AFG1L: variants seen among roughly 807,000 people sequenced by gnomAD.
AFG1L encodes AFG1 like ATPase.
In AFG1L, 53 loss-of-function variants were observed where a neutral mutation model predicts 62.2. The observed-to-expected ratio is 0.85, with a 90% confidence interval of 0.68 to 1.07. The LOEUF (loss-of-function observed/expected upper bound fraction) is 1.07. Ranked by LOEUF, AFG1L falls within the 50% of genes least tolerant of loss-of-function variation. The pLI, the probability that AFG1L is intolerant of heterozygous loss-of-function variation, is 0.00. For missense variants in AFG1L, 555 were observed against 590.5 expected (o/e 0.94, Z 0.62); for synonymous variants, 228 against 210.3 (o/e 1.08, Z -0.73).
At chr6:108,321,217 T>C (rs1398414531) in intron 1 of AFG1L, among the ~76,000 whole-genome samples, 1 of 152,202 alleles carries the variant, frequency 6.6e-6, no homozygotes, top group Non-Finnish European at 1.5e-5. Flanking sequence ...TCCTCCCCTT[T>C]AGATTTGATA....
intron 11 of AFG1L, among the ~76,000 whole-genome samples, chr6:108,511,143 A>AGGAGGAGG (rs1381378080): frequency 3.4e-5 from 5 of 148,658 alleles, no homozygotes; most frequent in African/African-American, 4.9e-5. Flanking sequence ...GAGGAGGAGG[A>AGGAGGAGG]GGAGGAGGGA....
intron 7 of AFG1L, among the ~76,000 whole-genome samples, chr6:108,440,260 C>A (rs1229261758): frequency 2.6e-5 from 4 of 152,008 alleles, no homozygotes; most frequent in Non-Finnish European, 5.9e-5. Flanking sequence ...CCTCCACCTC[C>A]CAGGTTCAAG....
intron 6 of AFG1L, among the ~76,000 whole-genome samples, chr6:108,373,608 G>A (rs1228217651): frequency 2.1e-5 from 3 of 146,186 alleles, no homozygotes; most frequent in Non-Finnish European, 3.0e-5. Flanking sequence ...TTTTTTTTGA[G>A]ATGGAGTCTA....
chr6:108,332,130 T>C (rs1286755377), intron 2 of AFG1L, among the ~76,000 whole-genome samples: 3 of 152,184 alleles, frequency 2.0e-5, no homozygotes, highest in African/African-American at 7.2e-5. Flanking sequence ...TTCCAATAAA[T>C]CTTTATTTAC....
rs553167020 is a variant in AFG1L, at chr6:108,312,409, A to T, written c.140-11416A>T. ...AAAAAAAATAAAAAATTACCCAGGC[A>T]TGTAGTGTGTACCTGTAGTCCCAGC... On this transcript the variant is annotated intron_variant, in intron 1 of 12. Coordinates refer to ENST00000368977, the MANE Select transcript of AFG1L (RefSeq NM_145315.5). Among the ~76,000 whole-genome samples, 55 of 152,140 alleles carry T rather than the reference A, an allele frequency of 3.6e-4. 1 individual carries two copies. The highest frequency in any genetic ancestry group is 1.3e-3 in the African/African-American group (54 of 41,510).
intron 8 of AFG1L, among the ~76,000 whole-genome samples, chr6:108,463,899 A>G (rs965278216): frequency 2.0e-5 from 3 of 152,204 alleles, no homozygotes; most frequent in Non-Finnish European, 2.9e-5. Context: ...ACCTGCCTCC[A>G]GCCCCAGATT....
intron 7 of AFG1L, among the ~76,000 whole-genome samples, chr6:108,434,408 G>A (rs994978639): frequency 6.6e-6 from 1 of 152,164 alleles, no homozygotes; most frequent in Admixed American, 6.5e-5. Context: ...GAATGGCATA[G>A]CCATGTGGTT....
chr6:108,373,736 C>T (rs1582463749), intron 6 of AFG1L, among the ~76,000 whole-genome samples: 1 of 126,474 alleles, frequency 7.9e-6, no homozygotes, highest in Non-Finnish European at 1.7e-5. Context: ...GCCACCATGC[C>T]CGGCTAATTT....
rs556079296 is a variant in AFG1L, at chr6:108,404,159, C to A, written c.807+2105C>A. Reference sequence around the variant, plus strand: ...ACTTAAGTGACTTTTTGCCTCTTCACAGATGCTAGTGTTACTTCTTCATTC... The same window carrying A: ...ACTTAAGTGACTTTTTGCCTCTTCAAAGATGCTAGTGTTACTTCTTCATTC... On this transcript the variant is annotated intron_variant, in intron 7 of 12. Transcript: ENST00000368977. 8.5e-4 allele frequency among the ~76,000 whole-genome samples: 129 copies of A among 152,200 alleles called. 1 individual carries two copies. Among genetic ancestry groups the A allele is most frequent in the Non-Finnish European group, 1.7e-3 (116 of 67,982 alleles).
chr6:108,297,410 A>G (rs1255569393), intron 1 of AFG1L, among the ~76,000 whole-genome samples: 1 of 152,008 alleles, frequency 6.6e-6, no homozygotes, highest in Non-Finnish European at 1.5e-5. Flanking sequence ...CCCTGCCCCC[A>G]TCTTTAAATA....
chr6:108,453,769 A>G (rs6568544), intron 8 of AFG1L, among the ~76,000 whole-genome samples: 91,685 of 151,982 alleles, frequency 0.6, 27,906 homozygotes, highest in Middle Eastern at 0.73. Context: ...TTCTGGTTTA[A>G]TGGAGTGTCT....
intron 1 of AFG1L, among the ~76,000 whole-genome samples, chr6:108,306,158 C>A (rs1356542241): frequency 1.3e-5 from 2 of 152,200 alleles, no homozygotes; most frequent in Non-Finnish European, 2.9e-5. Flanking sequence ...CCCATCTCAT[C>A]CTCCCAAAGT....
At chr6:108,452,489 C>T (rs947929240) in intron 8 of AFG1L, among the ~76,000 whole-genome samples, 1 of 152,112 alleles carries the variant, frequency 6.6e-6, no homozygotes, top group African/African-American at 2.4e-5. Flanking sequence ...CCATATCTTT[C>T]CATACTCACA....
rs949877650 is a variant in AFG1L, at chr6:108,487,601, C to A, written c.1062+10309C>A. On this transcript the variant is annotated intron_variant, in intron 10 of 12. Transcript: ENST00000368977. Reference sequence around the variant, plus strand: ...ACAGTCTCCTTTAAAGAGCAGTGCTCACTAGTTAACTACATAATATGAGTG... The same window carrying A: ...ACAGTCTCCTTTAAAGAGCAGTGCTAACTAGTTAACTACATAATATGAGTG... Among the ~76,000 whole-genome samples the A allele has an allele frequency of 3.3e-5, 5 of 152,142 alleles. No homozygotes were observed. The South Asian group carries it at 1.0e-3, about 32-fold the overall frequency.
chr6:108,480,614 AT>A (rs1773289725), intron 10 of AFG1L, among the ~76,000 whole-genome samples: 11 of 152,286 alleles, frequency 7.2e-5, no homozygotes, highest in African/African-American at 2.6e-4. Context: ...CCTGGACAAC[AT>A]GGCAAAACCC....
intron 1 of AFG1L, among the ~76,000 whole-genome samples, chr6:108,295,491 T>C (rs1365415056): frequency 6.6e-6 from 1 of 152,094 alleles, no homozygotes; most frequent in Non-Finnish European, 1.5e-5. Flanking sequence ...CTGAACCTAG[T>C]GGGAGTGCCT....
intron 1 of AFG1L, among the ~76,000 whole-genome samples, chr6:108,308,200 A>G (rs1777277504): frequency 6.6e-6 from 1 of 152,156 alleles, no homozygotes; most frequent in African/African-American, 2.4e-5. Context: ...TCAAGGCTGG[A>G]GTGCAGTGGT....
intron 8 of AFG1L, among the ~76,000 whole-genome samples, chr6:108,474,455 A>G (rs1404117812): frequency 1.3e-5 from 2 of 152,198 alleles, no homozygotes; most frequent in Non-Finnish European, 2.9e-5. Flanking sequence ...TTGAGGAATC[A>G]CCATACTGTC....
intron 7 of AFG1L, among the ~76,000 whole-genome samples, chr6:108,412,274 C>G (rs915611752): frequency 3.9e-5 from 6 of 152,042 alleles, no homozygotes; most frequent in Admixed American, 1.3e-4. Context: ...GTGAAAAGAC[C>G]AAATCTACAT....
Sources: gnomAD v4.1 joint callset for allele counts (sites outside exome capture counted in the v4.1 genomes callset) on GRCh38, gnomAD v4.1.1 for gene constraint, MANE v1.5 for transcripts, NCBI Gene and HGNC (gene_info 2026-07-23, HGNC 2026-07-21) for gene names.